The following LPP variants were observed in gnomAD, a reference collection of about 807,000 sequenced individuals.
LPP encodes the protein lipoma-preferred partner.
Under a neutral mutation model 60.4 loss-of-function variants are expected in LPP, and 38 were observed. That is an observed-to-expected ratio of 0.63 (90% CI 0.49 to 0.83). LPP has a LOEUF of 0.83. Among genes scored for constraint, LPP ranks in the 40% least tolerant of loss-of-function variants. The probability of loss-of-function intolerance (pLI) is 0.00; values close to 1 mark genes in which losing one functional copy is unlikely to be tolerated. For missense variants in LPP, 902 were observed against 783.6 expected, an observed-to-expected ratio of 1.15 and a Z score of -1.80; for synonymous variants, 328 against 290.8, an observed-to-expected ratio of 1.13 and a Z score of -1.30.
intron 6 of LPP, among the ~76,000 whole-genome samples, chr3:188,602,439 A>C (rs2151239223): frequency 6.6e-6 from 1 of 151,846 alleles, no homozygotes; most frequent in East Asian, 1.9e-4. Flanking sequence ...TAACTGAAAT[A>C]GGTTAGCTGT....
chr3:188,346,737 T>C (rs1764506422), intron 3 of LPP, among the ~76,000 whole-genome samples: 1 of 152,162 alleles, frequency 6.6e-6, no homozygotes, highest in Admixed American at 6.5e-5. Context: ...TTTAGGAGGT[T>C]TGTAGATGCT....
chr3:188,383,580 A>G (rs987508880), intron 3 of LPP, among the ~76,000 whole-genome samples: 2 of 152,126 alleles, frequency 1.3e-5, no homozygotes, highest in African/African-American at 4.8e-5. Flanking sequence ...AATTATGTAA[A>G]TTTTCAAAAG....
At chr3:188,693,888 A>C (rs1165782838) in intron 7 of LPP, among the ~76,000 whole-genome samples, 1 of 152,166 alleles carries the variant, frequency 6.6e-6, no homozygotes, top group Non-Finnish European at 1.5e-5. Flanking sequence ...AGAGAATTAA[A>C]CGAATATTGA....
intron 3 of LPP, among the ~76,000 whole-genome samples, chr3:188,378,587 C>T (rs977628196): frequency 5.9e-5 from 9 of 152,152 alleles, no homozygotes; most frequent in African/African-American, 2.2e-4. Flanking sequence ...GTGGGAGTGA[C>T]CTGATTTTCC....
At chr3:188,629,288 T>C (rs1389342368) in intron 7 of LPP, among the ~76,000 whole-genome samples, 1 of 152,068 alleles carries the variant, frequency 6.6e-6, no homozygotes, top group African/African-American at 2.4e-5. Context: ...ACTATTTCTG[T>C]TTGCAGATGA....
chr3:188,519,013 G>A (rs187299692), intron 5 of LPP, among the ~76,000 whole-genome samples: 143 of 152,042 alleles, frequency 9.4e-4, no homozygotes, highest in African/African-American at 2.9e-3. Context: ...TTTTCATCCC[G>A]TTTCACAATC....
intron 4 of LPP, among the ~76,000 whole-genome samples, chr3:188,482,484 G>GTT (rs1805083921): frequency 6.6e-6 from 1 of 152,066 alleles, no homozygotes; most frequent in African/African-American, 2.4e-5. Context: ...TTTTCATGCA[G>GTT]TCTGTGGCCA....
chr3:188,576,422 A>G (rs1000036347), intron 6 of LPP, among the ~76,000 whole-genome samples: 1 of 152,106 alleles, frequency 6.6e-6, no homozygotes, highest in Non-Finnish European at 1.5e-5. Flanking sequence ...CGCCAGGCAC[A>G]TTACCTAGTA....
chr3:188,507,052 C>G (rs1405514796), intron 5 of LPP, among the ~76,000 whole-genome samples: 1 of 148,912 alleles, frequency 6.7e-6, no homozygotes, highest in African/African-American at 2.4e-5. Flanking sequence ...CTACCTCGGC[C>G]TCCCAAAGTG....
intron 3 of LPP, among the ~76,000 whole-genome samples, chr3:188,346,706 C>T (rs932704724): frequency 1.3e-5 from 2 of 152,142 alleles, no homozygotes; most frequent in South Asian, 4.1e-4. Flanking sequence ...ATGCAGAACT[C>T]CAGAAAATGC....
chr3:188,771,563 A>AAAAAG (rs1553842315), intron 9 of LPP, among the ~76,000 whole-genome samples: 3 of 95,134 alleles, frequency 3.2e-5, no homozygotes, highest in Non-Finnish European at 5.7e-5. Flanking sequence ...AAAAAAAAAA[A>AAAAAG]AAAGAAAGAA....
intron 2 of LPP, among the ~76,000 whole-genome samples, chr3:188,273,148 C>T (rs1236574003): frequency 6.6e-6 from 1 of 152,190 alleles, no homozygotes; most frequent in African/African-American, 2.4e-5. Flanking sequence ...ACTGCCCCCA[C>T]CACCCACAGC....
At chr3:188,666,329 T>C (rs148426302) in intron 7 of LPP, among the ~76,000 whole-genome samples, 6 of 152,360 alleles carry the variant, frequency 3.9e-5, no homozygotes, top group Non-Finnish European at 8.8e-5. Flanking sequence ...TATAGTATTA[T>C]ATTTATTATG....
At chr3:188,296,267 T>C (rs1468198976) in intron 2 of LPP, among the ~76,000 whole-genome samples, 2 of 152,138 alleles carry the variant, frequency 1.3e-5, no homozygotes, top group African/African-American at 4.8e-5. Context: ...GACTTAAAAA[T>C]GTCTGTGTAA....
chr3:188,748,258 T>C (rs1429647924), intron 8 of LPP, among the ~76,000 whole-genome samples: 3 of 152,100 alleles, frequency 2.0e-5, no homozygotes, highest in African/African-American at 4.8e-5. Flanking sequence ...CACACACACA[T>C]ACATATATAC....
At chr3:188,528,512 G>A (rs1821287722) in intron 6 of LPP, among the ~76,000 whole-genome samples, 1 of 152,060 alleles carries the variant, frequency 6.6e-6, no homozygotes, top group Non-Finnish European at 1.5e-5. Flanking sequence ...ATTTTAATAG[G>A]TTTATTCTGC....
intron 2 of LPP, among the ~76,000 whole-genome samples, chr3:188,246,407 C>G (rs1443887896): frequency 6.6e-6 from 1 of 152,096 alleles, no homozygotes; most frequent in South Asian, 2.1e-4. Flanking sequence ...CACTCTCTGC[C>G]CCTTCTCATA....
intron 4 of LPP, among the ~76,000 whole-genome samples, chr3:188,443,784 A>G (rs1186152367): frequency 6.6e-6 from 1 of 152,234 alleles, no homozygotes; most frequent in Non-Finnish European, 1.5e-5. Flanking sequence ...TGCCATCAGA[A>G]CCTTAATTTA....
intron 2 of LPP, among the ~76,000 whole-genome samples, chr3:188,251,008 TCC>T (rs1245810465): frequency 1.2e-4 from 4 of 32,572 alleles, no homozygotes; most frequent in Non-Finnish European, 1.0e-4. Flanking sequence ...CCCCCTGCCC[TCC>T]CCCCCGCCCT....
Sources: allele counts gnomAD v4.1 joint callset (sites outside exome capture counted in the v4.1 genomes callset), GRCh38; gene constraint gnomAD v4.1.1; transcripts MANE v1.5; gene names NCBI Gene and HGNC (gene_info 2026-07-23, HGNC 2026-07-21).